MTMR12: variants seen among roughly 807,000 people sequenced by gnomAD.
MTMR12 encodes myotubularin-related protein 12.
Under a neutral mutation model 96.7 loss-of-function variants are expected in MTMR12, and 33 were observed. The ratio of observed to expected loss-of-function variants is 0.34; its 90% CI spans 0.26 to 0.46. The LOEUF is 0.46. Among genes scored for constraint, MTMR12 ranks in the 20% least tolerant of loss-of-function variants. MTMR12 has a pLI of 1.00. For synonymous variants in MTMR12, 298 were observed against 327.2 expected (o/e 0.91, Z 0.96); for missense variants, 721 against 896.1 (o/e 0.80, Z 2.49).
intron 6 of MTMR12, among the ~76,000 whole-genome samples, chr5:32,264,097 G>A (rs563359843): frequency 1.7e-4 from 26 of 152,268 alleles, no homozygotes; most frequent in African/African-American, 6.0e-4. Context: ...GCTGAATCAT[G>A]GTTATGGGTA....
chr5:32,277,133 C>G (rs556878620), intron 1 of MTMR12, among the ~76,000 whole-genome samples: 368 of 151,948 alleles, frequency 2.4e-3, no homozygotes, highest in Non-Finnish European at 4.1e-3. Context: ...GATCTGCCCG[C>G]GTCAGCCTCC....
chr5:32,252,302 T>C (rs1018926723), intron 8 of MTMR12, among the ~76,000 whole-genome samples: 2 of 152,210 alleles, frequency 1.3e-5, no homozygotes, highest in Non-Finnish European at 1.5e-5. Context: ...TGTGGTAATG[T>C]TTGCACAACA....
At chr5:32,281,260 A>C (rs528866990) in intron 1 of MTMR12, among the ~76,000 whole-genome samples, 108 of 150,340 alleles carry the variant, frequency 7.2e-4, no homozygotes, top group African/African-American at 2.4e-3. Flanking sequence ...AAAAAAAAAA[A>C]AAAACAAAAA....
intron 1 of MTMR12, among the ~76,000 whole-genome samples, chr5:32,310,145 A>G (rs895213183): frequency 1.3e-5 from 2 of 152,142 alleles, no homozygotes; most frequent in Admixed American, 1.3e-4. Context: ...GCAAGACATC[A>G]CCTCTACTAA....
chr5:32,295,129 C>A (rs184676015), intron 1 of MTMR12, among the ~76,000 whole-genome samples: 53 of 152,360 alleles, frequency 3.5e-4, no homozygotes, highest in Non-Finnish European at 6.2e-4. Context: ...GCTGGTACCC[C>A]ACTCCTGGCC....
intron 2 of MTMR12, among the ~76,000 whole-genome samples, chr5:32,276,317 G>A (rs1750049892): frequency 6.6e-6 from 1 of 152,238 alleles, no homozygotes; most frequent in Non-Finnish European, 1.5e-5. Context: ...GGTTGCCTTG[G>A]GAGGCCATAG....
At chr5:32,244,271 C>G (rs1474323879) in intron 10 of MTMR12, among the ~76,000 whole-genome samples, 4 of 150,718 alleles carry the variant, frequency 2.7e-5, no homozygotes, top group African/African-American at 9.8e-5. Context: ...AGAGTGAGAC[C>G]CTGTTTCTAA....
intron 15 of MTMR12, among the ~76,000 whole-genome samples, chr5:32,231,446 A>G (rs993714541): frequency 6.6e-6 from 1 of 150,714 alleles, no homozygotes; most frequent in Non-Finnish European, 1.5e-5. Context: ...AGGGTTCCCC[A>G]GTGCCCAAAG....
intron 2 of MTMR12, among the ~76,000 whole-genome samples, chr5:32,274,703 C>T (rs1005751174): frequency 6.6e-6 from 1 of 152,204 alleles, no homozygotes; most frequent in Non-Finnish European, 1.5e-5. Flanking sequence ...TGGCTCCACG[C>T]TGGGAAAACA....
rs761242435 is a variant in MTMR12, at chr5:32,270,884, A to G, written c.422T>C (p.Ile141Thr). 6.2e-7 allele frequency: 1 copy of G among 1,614,094 alleles called. No homozygotes were observed. The highest frequency in any genetic ancestry group is 2.2e-5 in the East Asian group (1 of 44,880). ...GAACACTCGAAGGTCTTTGCAGTGG[A>G]TGATGAGCTTCTCAGGGTATTTCTT... ...QLKKYPEKLI[I>T]HCKDLRVFQF... The change falls in exon 5 of 16, where the codon ATC becomes ACC. Residue 141 changes from isoleucine to threonine, a missense_variant. Transcript: ENST00000382142.
intron 9 of MTMR12, among the ~76,000 whole-genome samples, chr5:32,248,460 C>T (rs1321597007): frequency 6.6e-6 from 1 of 151,410 alleles, no homozygotes; most frequent in Non-Finnish European, 1.5e-5. Context: ...TAATTTGAAA[C>T]ATGTAGAAAG....
At chr5:32,270,766 T>C (rs1749798673) in intron 5 of MTMR12, 51 bp downstream of exon 5, 10 of 1,549,208 alleles carry the variant, frequency 6.5e-6, no homozygotes, top group African/African-American at 2.8e-5. Context: ...CTAGAGCTAG[T>C]GGGGAAAACC....
Position 32,312,600 on chromosome 5 carries a change from C to A in MTMR12, c.81+158G>T, listed in dbSNP as rs1751642456. On this transcript the variant is annotated intron_variant, in intron 1 of 15. Transcript: ENST00000382142. This position sits in a 1 kb window ranked among gnomAD's most constrained non-coding sequence, Gnocchi z 5.0. ...CCCATTCCGGCCCGCGCGGAGGCCC[C>A]AGCGCGCTCCTGCGGCCTCAGCCCG... 6.6e-6 allele frequency among the ~76,000 whole-genome samples: 1 copy of A among 152,098 alleles called. No individual in the cohort carries two copies. The highest frequency in any genetic ancestry group is 1.5e-5 in the Non-Finnish European group (1 of 67,984).
chr5:32,286,244 T>C (rs1750536045), intron 1 of MTMR12, among the ~76,000 whole-genome samples: 1 of 152,112 alleles, frequency 6.6e-6, no homozygotes. Context: ...GAGGCTGAGG[T>C]AGGTGGATCA....
rs945582151 is a variant in MTMR12 at position 32,312,556 on chromosome 5, G to A, written c.81+202C>T. Among the ~76,000 whole-genome samples the A allele has an allele frequency of 6.6e-6, 1 of 152,144 alleles. No individual in the cohort carries two copies. Among genetic ancestry groups the A allele is most frequent in the African/African-American group, 2.4e-5 (1 of 41,452 alleles). On this transcript the variant is annotated intron_variant, in intron 1 of 15. Coordinates refer to ENST00000382142, the MANE Select transcript of MTMR12 (RefSeq NM_001040446.3). This position sits in a 1 kb window ranked among gnomAD's most constrained non-coding sequence, Gnocchi z 5.0. ...GCTCGGGCCCTGCGCTCAGGCACCT[G>A]CCTGCCTGCGCCGGGGTCCCCATTC...
At chr5:32,265,777 A>G (rs535567305) in intron 6 of MTMR12, among the ~76,000 whole-genome samples, 1 of 152,240 alleles carries the variant, frequency 6.6e-6, no homozygotes, top group Non-Finnish European at 1.5e-5. Flanking sequence ...TTAATTCCCA[A>G]TTAATGACTG....
intron 7 of MTMR12, among the ~76,000 whole-genome samples, chr5:32,256,559 C>A (rs746087198): frequency 6.6e-6 from 1 of 152,190 alleles, no homozygotes; most frequent in Admixed American, 6.5e-5. Flanking sequence ...TACTTGGGGA[C>A]ATCATCTCTC....
At chr5:32,246,084 C>T (rs967098465) in intron 10 of MTMR12, among the ~76,000 whole-genome samples, 6 of 151,918 alleles carry the variant, frequency 3.9e-5, no homozygotes, top group African/African-American at 1.5e-4. Context: ...GATTTTGATC[C>T]CACTTATTTA....
intron 1 of MTMR12, among the ~76,000 whole-genome samples, chr5:32,297,555 T>G (rs573328464): frequency 5.3e-5 from 8 of 150,956 alleles, no homozygotes; most frequent in Non-Finnish European, 1.2e-4. Flanking sequence ...CCTCAGGTTT[T>G]TTTTTTTTTT....
Sources: allele counts gnomAD v4.1 joint callset (sites outside exome capture counted in the v4.1 genomes callset), GRCh38; gene constraint gnomAD v4.1.1; non-coding constraint Gnocchi (gnomAD v3.1); transcripts MANE v1.5; gene names NCBI Gene and HGNC (gene_info 2026-07-23, HGNC 2026-07-21).